The following CHIA variants were observed in gnomAD, a reference collection of about 807,000 sequenced individuals.
CHIA encodes the protein acidic mammalian chitinase.
Under a neutral mutation model 53.5 loss-of-function variants are expected in CHIA, and 47 were observed. The ratio of observed to expected loss-of-function variants is 0.88; its 90% CI spans 0.70 to 1.12. The LOEUF is 1.12. Among genes scored for constraint, CHIA ranks in the 50% most tolerant of loss-of-function variants. CHIA has a pLI of 0.00. For synonymous variants in CHIA, 268 were observed against 222.2 expected (o/e 1.21, Z -1.83); for missense variants, 652 against 592.2 (o/e 1.10, Z -1.05).
intron 2 of CHIA, 96 bp from the exon 3 acceptor site, chr1:111,311,593 A>G: frequency 7.0e-7 from 1 of 1,430,074 alleles, no homozygotes; most frequent in Admixed American, 1.7e-5. Flanking sequence ...GGTTGTAACA[A>G]TTTATGGCAA....
chr1:111,295,426 G>T (rs1195373984), intron 1 of CHIA, among the ~76,000 whole-genome samples: 2 of 152,116 alleles, frequency 1.3e-5, no homozygotes, highest in African/African-American at 4.8e-5. Context: ...ATTTAGCTTT[G>T]TTAGGTTTCT....
At chr1:111,314,782 A>T (rs564333843) in intron 5 of CHIA, 186 bp downstream of exon 5, 25 of 552,444 alleles carry the variant, frequency 4.5e-5, no homozygotes, top group African/African-American at 3.3e-4. Flanking sequence ...TTTATTTCAT[A>T]CATTTAATTT....
intron 11 of CHIA, 67 bp from the exon 12 acceptor site, chr1:111,320,146 C>T (rs1413920241): frequency 6.8e-7 from 1 of 1,467,090 alleles, no homozygotes; most frequent in Non-Finnish European, 9.4e-7. Flanking sequence ...CAGTTCTCTT[C>T]ACCTCTAGGT....
intron 2 of CHIA, among the ~76,000 whole-genome samples, chr1:111,311,432 A>T (rs994751835): frequency 6.6e-6 from 1 of 152,212 alleles, no homozygotes; most frequent in Admixed American, 6.5e-5. Flanking sequence ...CATAGATAGT[A>T]AACTTCGGAC....
chr1:111,296,669 CCAAAGG>C (rs1398174311), intron 1 of CHIA, among the ~76,000 whole-genome samples: 2 of 152,190 alleles, frequency 1.3e-5, no homozygotes, highest in Non-Finnish European at 2.9e-5. Flanking sequence ...CTCTTATCCT[CCAAAGG>C]ATCGCATCTA....
chr1:111,318,048 G>A lies in CHIA; in HGVS notation c.668G>A (p.Gly223Glu), dbSNP rs1295857943. 1.3e-5 allele frequency: 21 copies of A among 1,613,872 alleles called. No individual in the cohort carries two copies. Among genetic ancestry groups the A allele is most frequent in the Non-Finnish European group, 1.6e-5 (19 of 1,179,884 alleles). ...CATGGCTCCTGGGAGGGCTACACTG[G>A]AGAGAACAGCCCCCTCTACAAATAC... ...DLHGSWEGYT[G>E]ENSPLYKYPT... Residue 223 changes from glycine to glutamate, a missense_variant, in exon 8 of 12, where the codon GGA becomes GAA. Physicochemically the swap from Gly to Glu is moderately conservative, Grantham distance 98 (BLOSUM62 -2). Transcript: ENST00000369740.
At chr1:111,319,997 A>T (rs1649527675) in intron 11 of CHIA, among the ~76,000 whole-genome samples, 1 of 152,126 alleles carries the variant, frequency 6.6e-6, no homozygotes, top group Non-Finnish European at 1.5e-5. Context: ...ATAAGGAAAG[A>T]GCAACCTTTT....
At chr1:111,315,706 T>C (rs1483763687) in intron 6 of CHIA, 1 of 516,574 alleles carries the variant, frequency 1.9e-6, no homozygotes, top group Admixed American at 2.3e-5. Flanking sequence ...GCATACATAC[T>C]ATAAGTGTTA....
intron 1 of CHIA, among the ~76,000 whole-genome samples, chr1:111,304,683 C>G (rs562704160): frequency 4.6e-5 from 7 of 152,100 alleles, no homozygotes; most frequent in Non-Finnish European, 8.8e-5. Flanking sequence ...AGAGCATATT[C>G]AAGACAGTTG....
intron 1 of CHIA, among the ~76,000 whole-genome samples, chr1:111,298,338 T>G (rs1345365076): frequency 2.0e-5 from 3 of 152,168 alleles, no homozygotes; most frequent in Admixed American, 2.0e-4. Context: ...GACCACATAG[T>G]TGGAAGAAAA....
At chr1:111,313,532 A>G (rs775101450) in intron 4 of CHIA, among the ~76,000 whole-genome samples, 6 of 152,120 alleles carry the variant, frequency 3.9e-5, no homozygotes, top group Non-Finnish European at 8.8e-5. Flanking sequence ...TAAATTTCCT[A>G]TATATTTTTG....
chr1:111,313,647 C>T (rs12137027), intron 4 of CHIA, among the ~76,000 whole-genome samples: 20,056 of 152,128 alleles, frequency 0.13, 1,541 homozygotes, highest in African/African-American at 0.19. Flanking sequence ...GCTTTTTAGC[C>T]TGATGTAATC....
At chr1:111,296,452 C>A (rs575935973) in intron 1 of CHIA, among the ~76,000 whole-genome samples, 20 of 152,330 alleles carry the variant, frequency 1.3e-4, no homozygotes, top group Admixed American at 1.0e-3. Context: ...GGACCTCCAG[C>A]AAACTCCAAC....
At chr1:111,314,818 C>T in intron 5 of CHIA, 1 of 515,872 alleles carries the variant, frequency 1.9e-6, no homozygotes, top group Non-Finnish European at 3.4e-6. Context: ...GCCCTATCCA[C>T]AGAGGTTTAC....
chr1:111,310,096 A>T (rs1648539300), intron 1 of CHIA, among the ~76,000 whole-genome samples: 1 of 152,226 alleles, frequency 6.6e-6, no homozygotes. Flanking sequence ...TTCCATAAAG[A>T]CTTGCTTTGA....
intron 11 of CHIA, among the ~76,000 whole-genome samples, chr1:111,319,715 G>A (rs1571308203): frequency 6.6e-6 from 1 of 152,198 alleles, no homozygotes; most frequent in African/African-American, 2.4e-5. Flanking sequence ...GTGTGGAAGA[G>A]CCTCAAGAAA....
intron 6 of CHIA, chr1:111,315,696 G>A (rs753143811): frequency 3.7e-6 from 2 of 539,008 alleles, no homozygotes; most frequent in South Asian, 3.2e-5. Flanking sequence ...TTACTCTATG[G>A]CATACATACT....
At chr1:111,297,901 CAAA>C (rs1188512345) in intron 1 of CHIA, among the ~76,000 whole-genome samples, 1 of 31,854 alleles carries the variant, frequency 3.1e-5, no homozygotes. Flanking sequence ...AAATGGAAAG[CAAA>C]AAAAAAAAAA....
chr1:111,291,695 GA>G (rs1273257359), intron 1 of CHIA, among the ~76,000 whole-genome samples: 111 of 151,540 alleles, frequency 7.3e-4, no homozygotes, highest in African/African-American at 2.3e-3. Context: ...AAAAAGGGGG[GA>G]AAAATATATA....
Sources: gnomAD v4.1 joint callset for allele counts (sites outside exome capture counted in the v4.1 genomes callset) on GRCh38, gnomAD v4.1.1 for gene constraint, MANE v1.5 for transcripts, NCBI Gene and HGNC (gene_info 2026-07-23, HGNC 2026-07-21) for gene names.